GRIN2A: variants seen among roughly 807,000 people sequenced by gnomAD.
GRIN2A encodes glutamate ionotropic receptor NMDA type subunit 2A.
A neutral mutation model predicts 113.4 loss-of-function variants in GRIN2A; 22 were observed. That is an observed-to-expected ratio of 0.19 (90% CI 0.14 to 0.28). GRIN2A has a LOEUF of 0.28. Among genes scored for constraint, GRIN2A ranks in the 10% least tolerant of loss-of-function variants. The probability of loss-of-function intolerance (pLI) is 1.00; values close to 1 mark genes in which losing one functional copy is unlikely to be tolerated. For missense variants in GRIN2A, 1,502 were observed against 1,887.0 expected, an observed-to-expected ratio of 0.80 and a Z score of 3.78; for synonymous variants, 827 against 738.4, an observed-to-expected ratio of 1.12 and a Z score of -1.94.
At chr16:9,857,957 C>A (rs1412080252) in intron 4 of GRIN2A, among the ~76,000 whole-genome samples, 1 of 152,200 alleles carries the variant, frequency 6.6e-6, no homozygotes, top group East Asian at 1.9e-4. Context: ...TAGCCTTATG[C>A]TGTTTTGCTT....
At chr16:10,086,777 C>A (rs1530670) in intron 2 of GRIN2A, among the ~76,000 whole-genome samples, 6 of 152,244 alleles carry the variant, frequency 3.9e-5, no homozygotes, top group South Asian at 2.1e-4. Flanking sequence ...AAGAGCAAGC[C>A]GCAGTGCTAG....
intron 12 of GRIN2A, among the ~76,000 whole-genome samples, chr16:9,767,178 T>C (rs1184188069): frequency 6.6e-6 from 1 of 152,218 alleles, no homozygotes; most frequent in African/African-American, 2.4e-5. Context: ...AAGCAATCTA[T>C]GTGTTTAGAT....
chr16:10,164,845 G>A (rs941641397), intron 2 of GRIN2A, among the ~76,000 whole-genome samples: 10 of 152,204 alleles, frequency 6.6e-5, no homozygotes, highest in African/African-American at 2.2e-4. Flanking sequence ...CATGGCAGGT[G>A]TCTTAAAAGA....
chr16:10,093,425 G>A (rs577175823), intron 2 of GRIN2A, among the ~76,000 whole-genome samples: 2 of 152,272 alleles, frequency 1.3e-5, no homozygotes, highest in Admixed American at 6.5e-5. Flanking sequence ...TGACTTGTAG[G>A]AGGGGCTGGG....
At chr16:9,808,916 C>A (rs550861938) in intron 10 of GRIN2A, among the ~76,000 whole-genome samples, 6 of 151,612 alleles carry the variant, frequency 4.0e-5, no homozygotes, top group African/African-American at 1.2e-4. Flanking sequence ...CCCACCCCCC[C>A]AAAAAAAGTC....
At chr16:10,052,973 G>A (rs144781053) in intron 2 of GRIN2A, among the ~76,000 whole-genome samples, 1 of 151,888 alleles carries the variant, frequency 6.6e-6, no homozygotes, top group Non-Finnish European at 1.5e-5. Context: ...GCTTGATCCT[G>A]GGAGACAGAG....
intron 2 of GRIN2A, among the ~76,000 whole-genome samples, chr16:9,994,759 G>A (rs1411088485): frequency 6.6e-6 from 1 of 152,204 alleles, no homozygotes; most frequent in African/African-American, 2.4e-5. Context: ...ACGTAAGGGA[G>A]AATTCTTGGC....
intron 3 of GRIN2A, among the ~76,000 whole-genome samples, chr16:9,921,939 T>C (rs1304377670): frequency 6.6e-6 from 1 of 152,244 alleles, no homozygotes; most frequent in Non-Finnish European, 1.5e-5. Flanking sequence ...AGAAGTAATT[T>C]ATTTTGATTT....
At chr16:10,073,820 G>A (rs1385640407) in intron 2 of GRIN2A, among the ~76,000 whole-genome samples, 5 of 151,430 alleles carry the variant, frequency 3.3e-5, no homozygotes, top group Non-Finnish European at 2.9e-5. Flanking sequence ...GGAGGCTGAG[G>A]CAGGAGAATC....
chr16:9,807,815 A>C (rs1250673731), intron 10 of GRIN2A, among the ~76,000 whole-genome samples: 1 of 152,188 alleles, frequency 6.6e-6, no homozygotes, highest in Non-Finnish European at 1.5e-5. Context: ...CTTTGTGGAA[A>C]GTTGGGAAAG....
In GRIN2A at chr16:10,116,926, T is replaced by C. The variant is rs1415482718; in HGVS notation, c.414+63072A>G. On this transcript the variant is annotated intron_variant, in intron 2 of 12. Transcript: ENST00000330684. The stretch of plus-strand genomic sequence containing the variant: ...GAACATTCTTAGGCAGAGAGATGCC[T>C]GTGCTTGAGGTGAGAAGCCATCACT... Among the ~76,000 whole-genome samples the C allele has an allele frequency of 2.0e-5, 3 of 152,154 alleles. No homozygotes were observed. In the East Asian group the frequency reaches 5.8e-4, roughly 29 times the overall value.
chr16:10,171,279 G>A (rs1427716516), intron 2 of GRIN2A, among the ~76,000 whole-genome samples: 2 of 152,176 alleles, frequency 1.3e-5, no homozygotes, highest in Admixed American at 1.3e-4. Flanking sequence ...TCTGAAAATA[G>A]AGATTCTTTA....
At chr16:9,941,490 A>G (rs1251771500) in intron 2 of GRIN2A, among the ~76,000 whole-genome samples, 1 of 152,236 alleles carries the variant, frequency 6.6e-6, no homozygotes, top group Admixed American at 6.5e-5. Context: ...GAGTAGGTGC[A>G]AAAACCCTTG....
intron 3 of GRIN2A, among the ~76,000 whole-genome samples, chr16:9,896,726 C>A (rs754395064): frequency 5.3e-5 from 8 of 152,108 alleles, no homozygotes; most frequent in Non-Finnish European, 7.4e-5. Context: ...ACAGTAATTT[C>A]ATTATGAAGT....
At chr16:10,065,231 T>C (rs1031517793) in intron 2 of GRIN2A, among the ~76,000 whole-genome samples, 8 of 152,190 alleles carry the variant, frequency 5.3e-5, no homozygotes, top group Non-Finnish European at 1.0e-4. Flanking sequence ...TGATTAACTG[T>C]CACTAAAATG....
At chr16:10,144,022 G>T (rs932090098) in intron 2 of GRIN2A, among the ~76,000 whole-genome samples, 3 of 151,936 alleles carry the variant, frequency 2.0e-5, no homozygotes, top group Admixed American at 6.6e-5. Context: ...CTTGGATAAT[G>T]CCATAATGAA....
At chr16:9,959,771 C>T (rs1024951203) in intron 2 of GRIN2A, among the ~76,000 whole-genome samples, 1 of 152,264 alleles carries the variant, frequency 6.6e-6, no homozygotes, top group Non-Finnish European at 1.5e-5. Flanking sequence ...GTCAGGAGTT[C>T]GAGACCAGCC....
At chr16:9,906,169 C>T (rs1296237164) in intron 3 of GRIN2A, among the ~76,000 whole-genome samples, 1 of 152,194 alleles carries the variant, frequency 6.6e-6, no homozygotes, top group Admixed American at 6.5e-5. Flanking sequence ...TGTTCCCACA[C>T]CTCAGTTCTG....
At chr16:10,157,380 T>G (rs1461598806) in intron 2 of GRIN2A, among the ~76,000 whole-genome samples, 1 of 152,232 alleles carries the variant, frequency 6.6e-6, no homozygotes, top group Non-Finnish European at 1.5e-5. Context: ...TGCTAATAGG[T>G]CTTCAACACC....
Sources: allele counts gnomAD v4.1 joint callset (sites outside exome capture counted in the v4.1 genomes callset), GRCh38; gene constraint gnomAD v4.1.1; transcripts MANE v1.5; gene names NCBI Gene and HGNC (gene_info 2026-07-23, HGNC 2026-07-21).